BIN2: variants seen among roughly 807,000 people sequenced by gnomAD.
The protein encoded by BIN2 is bridging integrator 2, also known as breast cancer associated protein BRAP1.
Under a neutral mutation model 67.9 loss-of-function variants are expected in BIN2, and 43 were observed. The ratio of observed to expected loss-of-function variants is 0.63; its 90% CI spans 0.50 to 0.82. The LOEUF (loss-of-function observed/expected upper bound fraction) is 0.82, where lower values mean the gene tolerates loss of function less well. BIN2 is among the 40% of genes least tolerant of loss of function. BIN2 has a pLI of 0.00. For missense variants in BIN2, 581 were observed against 671.6 expected (o/e 0.87, Z 1.49); for synonymous variants, 244 against 246.8 (o/e 0.99, Z 0.11).
intron 1 of BIN2, among the ~76,000 whole-genome samples, chr12:51,323,615 G>A (rs1946347715): frequency 6.6e-6 from 1 of 152,158 alleles, no homozygotes; most frequent in South Asian, 2.1e-4. Flanking sequence ...TGGGGAAATT[G>A]CCCTCTATGG....
chr12:51,301,342 C>A (rs1423138273), intron 5 of BIN2, among the ~76,000 whole-genome samples: 1 of 152,188 alleles, frequency 6.6e-6, no homozygotes, highest in Admixed American at 6.5e-5. Flanking sequence ...TTTTACCTAA[C>A]AGACTTTCAA....
At chr12:51,290,463 A>T (rs1945352647) in intron 10 of BIN2, among the ~76,000 whole-genome samples, 1 of 152,238 alleles carries the variant, frequency 6.6e-6, no homozygotes, top group East Asian at 1.9e-4. Context: ...GAACTCCCAG[A>T]ACTTGGAGGA....
intron 11 of BIN2, among the ~76,000 whole-genome samples, chr12:51,285,557 T>C (rs575288331): frequency 6.6e-6 from 1 of 152,244 alleles, no homozygotes; most frequent in South Asian, 2.1e-4. Context: ...AAACATGAAA[T>C]TTAATTTACA....
intron 12 of BIN2, among the ~76,000 whole-genome samples, chr12:51,282,809 G>C (rs1945145985): frequency 6.6e-6 from 1 of 151,536 alleles, no homozygotes; most frequent in Non-Finnish European, 1.5e-5. Context: ...TCACCATGTT[G>C]GTCAGGCTGG....
intron 2 of BIN2, among the ~76,000 whole-genome samples, chr12:51,307,282 CAAAAA>C (rs11348350): frequency 2.0e-5 from 2 of 101,582 alleles, no homozygotes. Flanking sequence ...GACTCTGACT[CAAAAA>C]AAAAAAAAAA....
chr12:51,302,141 G>A (rs751587954), intron 4 of BIN2, 26 bp from the exon 5 acceptor site: 1 of 1,553,234 alleles, frequency 6.4e-7, no homozygotes, highest in South Asian at 1.1e-5. Context: ...AGAGGCTGGT[G>A]AAGGCTCCAC....
chr12:51,311,322 G>A (rs1467976032), intron 2 of BIN2, among the ~76,000 whole-genome samples: 2 of 151,962 alleles, frequency 1.3e-5, no homozygotes, highest in African/African-American at 2.4e-5. Flanking sequence ...TGGGAGGTGT[G>A]AGCCACTGTA....
upstream of BIN2, chr12:51,324,185 G>A: frequency 1.9e-6 from 3 of 1,558,892 alleles, no homozygotes; most frequent in East Asian, 7.1e-5. Context: ...GCGGGCTCCC[G>A]GCATGCCTCG....
chr12:51,323,784 C>T (rs1424515441), intron 1 of BIN2, among the ~76,000 whole-genome samples: 1 of 152,238 alleles, frequency 6.6e-6, no homozygotes, highest in Non-Finnish European at 1.5e-5. Context: ...TGTTGTCTCC[C>T]CAGCTTCCCT....
At position 51,292,196 on chromosome 12, in the gene BIN2, C is replaced by A. The variant is rs1945404300; in HGVS notation, c.910G>T (p.Ala304Ser). The change falls in exon 10 of 13, where the codon GCC becomes TCC. Residue 304 changes from alanine (A) to serine (S), a missense_variant. Coordinates refer to ENST00000615107, the MANE Select transcript of BIN2 (RefSeq NM_016293.4). Reference protein sequence around the residue: ...SATEDLAPDAAQGEDNSEIKE... With the variant: ...SATEDLAPDASQGEDNSEIKE... ...ATCTCAGAATTGTCTTCCCCTTGGGCTGCATCAGGTGCCAGATCTTCAGTT... is the reference window on the plus strand; with the variant it reads ...ATCTCAGAATTGTCTTCCCCTTGGGATGCATCAGGTGCCAGATCTTCAGTT... 7 of 1,612,472 alleles carry A rather than the reference C, an allele frequency of 4.3e-6. No individual in the cohort carries two copies. The South Asian group carries it at 7.7e-5, about 18-fold the overall frequency.
chr12:51,293,675 C>T (rs1048702982), intron 9 of BIN2, among the ~76,000 whole-genome samples: 10 of 152,128 alleles, frequency 6.6e-5, no homozygotes, highest in African/African-American at 2.2e-4. Flanking sequence ...AATGGGAAAA[C>T]GATATATAGG....
At chr12:51,298,429 T>C (rs1317054413) in intron 7 of BIN2, among the ~76,000 whole-genome samples, 2 of 152,138 alleles carry the variant, frequency 1.3e-5, no homozygotes, top group Admixed American at 1.3e-4. Flanking sequence ...GGCACGTGCC[T>C]GTAGTCCCAG....
Position 51,302,079 on chromosome 12 carries a change from G to A in BIN2, c.349C>T (p.Leu117=), listed in dbSNP as rs138549357. Residue 117 remains leucine, a synonymous_variant, in exon 5 of 13, where the codon CTG becomes TTG. Transcript: ENST00000615107. Reference sequence around the variant, plus strand: ...ATGGTCCTTACAGCCTGGTCAGCCAGTTTCTCCTCGTAGTCTTCCCAAAGG... The same window carrying A: ...ATGGTCCTTACAGCCTGGTCAGCCAATTTCTCCTCGTAGTCTTCCCAAAGG... The part of the protein sequence containing the change: ...DLLWEDYEEK[L]ADQAVRTMEI... 1.2e-6 allele frequency: 2 copies of A among 1,613,620 alleles called. No individual in the cohort carries two copies. The highest frequency in any genetic ancestry group is 1.3e-5 in the African/African-American group (1 of 75,018).
chr12:51,299,051 G>C lies in BIN2; in HGVS notation c.602+152C>G, dbSNP rs144985353. ...TTGAGTGCTACTGCACTCTAGCCTG[G>C]GTGACAGAGTGAGACCCTGTCTCGA... is the stretch of plus-strand genomic sequence containing the variant. On this transcript the variant is annotated intron_variant, in intron 7 of 12. Transcript: ENST00000615107. 3.3e-3 allele frequency: 1,983 copies of C among 598,564 alleles called. 33 individuals carry two copies. The highest frequency in any genetic ancestry group is 0.033 in the African/African-American group (1,741 of 53,166). 37.1% of individuals were successfully genotyped at this position (598,564 alleles called of 1,614,324 possible).
chr12:51,288,606 T>C (rs1945304304), intron 10 of BIN2, among the ~76,000 whole-genome samples: 1 of 152,210 alleles, frequency 6.6e-6, no homozygotes, highest in South Asian at 2.1e-4. Flanking sequence ...TTCACTGTCA[T>C]ACCCCACCTC....
chr12:51,291,484 A>C, intron 10 of BIN2, 107 bp downstream of exon 10: 1 of 1,130,246 alleles, frequency 8.8e-7, no homozygotes, highest in Non-Finnish European at 1.2e-6. Flanking sequence ...TCGAGACTGC[A>C]ATGAGCTGTG....
At chr12:51,288,372 C>T (rs1945295388) in intron 10 of BIN2, among the ~76,000 whole-genome samples, 184 bp from the exon 11 acceptor site, 1 of 152,172 alleles carries the variant, frequency 6.6e-6, no homozygotes, top group African/African-American at 2.4e-5. Flanking sequence ...ACACACTTCT[C>T]CCGGATATAC....
chr12:51,298,526 G>A (rs1056382544), intron 7 of BIN2, among the ~76,000 whole-genome samples: 13 of 152,036 alleles, frequency 8.6e-5, no homozygotes, highest in Admixed American at 4.6e-4. Flanking sequence ...GTGACAGAAT[G>A]AGACCCTGTC....
Position 51,297,110 on chromosome 12 carries a change from G to T in BIN2, c.657C>A (p.Val219=). ...TCACCTTGCTCATTTCCCTGTAGAA[G>T]ACATCCCTCAAGTTGGAAATGTTTT... ...IFQNISNLRD[V]FYREMSKLNH... The change falls in exon 8 of 13, where the codon GTC becomes GTA. Residue 219 remains valine, a synonymous_variant. Transcript: ENST00000615107. The T allele has an allele frequency of 6.2e-7, 1 of 1,613,996 alleles. No homozygotes were observed. The highest frequency in any genetic ancestry group is 8.5e-7 in the Non-Finnish European group (1 of 1,179,922).
Sources: allele counts gnomAD v4.1 joint callset (sites outside exome capture counted in the v4.1 genomes callset), GRCh38; gene constraint gnomAD v4.1.1; transcripts MANE v1.5; gene names NCBI Gene and HGNC (gene_info 2026-07-23, HGNC 2026-07-21).